Variants in TASP1 observed in about 807,000 individuals in gnomAD.
TASP1 encodes the protein taspase 1.
In TASP1, 16 loss-of-function variants were observed where a neutral mutation model predicts 56.6. That is an observed-to-expected ratio of 0.28 (90% confidence interval 0.19 to 0.43). TASP1 has a LOEUF of 0.43. Ranked by LOEUF, TASP1 falls within the 20% of genes least tolerant of loss-of-function variation. The pLI is 1.00. For synonymous variants in TASP1, 179 were observed against 184.2 expected (o/e 0.97, Z 0.23); for missense variants, 393 against 511.6 (o/e 0.77, Z 2.24).
intron 4 of TASP1, among the ~76,000 whole-genome samples, chr20:13,601,536 CATAA>C (rs1225739862): frequency 3.3e-5 from 5 of 151,968 alleles, no homozygotes; most frequent in African/African-American, 4.8e-5. Flanking sequence ...TGAATAAATA[CATAA>C]ATAAATAGGA....
intron 13 of TASP1, among the ~76,000 whole-genome samples, chr20:13,407,406 C>T (rs2041962720): frequency 1.3e-5 from 2 of 152,198 alleles, no homozygotes; most frequent in South Asian, 2.1e-4. Context: ...TATATCTGCA[C>T]TTCATTCCTT....
intron 11 of TASP1, among the ~76,000 whole-genome samples, chr20:13,438,724 T>C (rs188085726): frequency 7.2e-5 from 11 of 152,026 alleles, no homozygotes; most frequent in South Asian, 2.1e-4. Flanking sequence ...AGGCAACCTA[T>C]AGAATGGGAG....
At chr20:13,220,729 T>A in the TASP1 span, among the ~76,000 whole-genome samples, 1 of 152,192 alleles carries the variant, frequency 6.6e-6, no homozygotes, top group South Asian at 2.1e-4. Context: ...GTCAAGACCC[T>A]TCGGAACGAC....
At chr20:13,536,357 G>A (rs1270562850) in intron 8 of TASP1, among the ~76,000 whole-genome samples, 1 of 152,084 alleles carries the variant, frequency 6.6e-6, no homozygotes, top group Non-Finnish European at 1.5e-5. Flanking sequence ...AACTACCTAA[G>A]GCTAACATTA....
At chr20:13,636,799 G>A (rs1366709327) in intron 1 of TASP1, among the ~76,000 whole-genome samples, 3 of 152,254 alleles carry the variant, frequency 2.0e-5, no homozygotes, top group Middle Eastern at 6.8e-3. Context: ...ATCAAATGAT[G>A]CTAGAACTGG....
At chr20:13,586,775 T>C (rs2047320099) in intron 5 of TASP1, among the ~76,000 whole-genome samples, 1 of 152,028 alleles carries the variant, frequency 6.6e-6, no homozygotes, top group Non-Finnish European at 1.5e-5. Context: ...TCTAAAAAGT[T>C]TATAATAATT....
the TASP1 span, chr20:13,288,726 CTT>C: frequency 1.3e-6 from 2 of 1,558,406 alleles, no homozygotes; most frequent in Non-Finnish European, 1.7e-6. Context: ...AAGGGGAAAG[CTT>C]TTTAATTTAT....
chr20:13,143,356 T>C, the TASP1 span, among the ~76,000 whole-genome samples: 1 of 152,168 alleles, frequency 6.6e-6, no homozygotes, highest in African/African-American at 2.4e-5. Flanking sequence ...AAAGTATATA[T>C]ATATATTCTG....
At chr20:13,160,122 T>C in the TASP1 span, 20 of 1,613,830 alleles carry the variant, frequency 1.2e-5, no homozygotes, top group South Asian at 7.7e-5. Flanking sequence ...ACCCGGGAGA[T>C]GTTAGACACG....
chr20:13,116,958 T>C, the TASP1 span, among the ~76,000 whole-genome samples: 1 of 152,342 alleles, frequency 6.6e-6, no homozygotes, highest in Non-Finnish European at 1.5e-5. Flanking sequence ...GGTCTTTGAC[T>C]TGAAGTGGGT....
chr20:13,309,272 A>C, the TASP1 span, among the ~76,000 whole-genome samples: 1 of 152,070 alleles, frequency 6.6e-6, no homozygotes, highest in Non-Finnish European at 1.5e-5. Flanking sequence ...TTTAGAGGTA[A>C]CATTTTATTT....
At chr20:13,570,967 C>T (rs1231847826) in intron 6 of TASP1, among the ~76,000 whole-genome samples, 2 of 152,088 alleles carry the variant, frequency 1.3e-5, no homozygotes, top group East Asian at 1.9e-4. Flanking sequence ...ATGATCAAGA[C>T]AAAAGTTTGG....
intron 12 of TASP1, among the ~76,000 whole-genome samples, chr20:13,422,409 T>C (rs969702649): frequency 6.6e-6 from 1 of 152,182 alleles, no homozygotes; most frequent in African/African-American, 2.4e-5. Flanking sequence ...TCTACTAATT[T>C]AGCTGCTTTT....
the TASP1 span, among the ~76,000 whole-genome samples, chr20:13,306,564 C>CAAAAAAAAAAAAAA: frequency 1.6e-5 from 1 of 63,912 alleles, no homozygotes. Flanking sequence ...GGAGAAAGGA[C>CAAAAAAAAAAAAAA]AAAAAAAAAA....
chr20:13,367,098 G>T, the TASP1 span, among the ~76,000 whole-genome samples: 2 of 152,092 alleles, frequency 1.3e-5, no homozygotes, highest in African/African-American at 4.8e-5. Flanking sequence ...ATTTAGCTAG[G>T]CAATAAACTG....
chr20:13,588,388 TTGTC>T (rs1243296215), intron 4 of TASP1, among the ~76,000 whole-genome samples: 1 of 151,718 alleles, frequency 6.6e-6, no homozygotes, highest in Non-Finnish European at 1.5e-5. Flanking sequence ...AGAAGTAAAA[TTGTC>T]TGTTTCAAGA....
In TASP1 at chr20:13,606,123, ATGTG is replaced by A. The variant is rs2048139982; in HGVS notation, c.282+17319_282+17322del. Among the ~76,000 whole-genome samples the A allele has an allele frequency of 2.6e-5, 3 of 117,312 alleles. No homozygotes were observed. The South Asian group carries it at 8.8e-4, about 34-fold the overall frequency. 77.0% of individuals were successfully genotyped at this position (117,312 alleles called of 152,430 possible). A position where few individuals can be genotyped will look rare whatever the true frequency, so the allele number is the denominator to read the frequency against. ...AAGAGGGCCCATAAATATAGACTGCATGTGTGTGCGTGCGTGTGTGTGTGTGTGT... is the reference window on the plus strand; with the variant it reads ...AAGAGGGCCCATAAATATAGACTGCATGTGCGTGCGTGTGTGTGTGTGTGT... On this transcript the variant is annotated intron_variant, in intron 4 of 13. Transcript: ENST00000337743.
the TASP1 span, among the ~76,000 whole-genome samples, chr20:13,325,089 C>G: frequency 6.6e-6 from 1 of 152,152 alleles, no homozygotes; most frequent in Non-Finnish European, 1.5e-5. Context: ...CAGGGAGCTC[C>G]TGGATGCAAG....
chr20:13,166,328 A>G, the TASP1 span: 2 of 152,758 alleles, frequency 1.3e-5, no homozygotes, highest in African/African-American at 4.8e-5. Flanking sequence ...CTCAAAGCGT[A>G]TTAAAGGAAA....
Sources: gnomAD v4.1 joint callset for allele counts (sites outside exome capture counted in the v4.1 genomes callset) on GRCh38, gnomAD v4.1.1 for gene constraint, MANE v1.5 for transcripts, NCBI Gene and HGNC (gene_info 2026-07-23, HGNC 2026-07-21) for gene names.